Variants in UNC5C observed in about 807,000 individuals in gnomAD.
UNC5C encodes netrin receptor UNC5C.
Under a neutral mutation model 99.8 loss-of-function variants are expected in UNC5C, and 47 were observed. The ratio of observed to expected loss-of-function variants is 0.47; its 90% CI spans 0.37 to 0.60. The LOEUF is 0.60. UNC5C is among the 20% of genes least tolerant of loss of function. The pLI is 0.00. For missense variants in UNC5C, 1,062 were observed against 1,165.9 expected, an observed-to-expected ratio of 0.91 and a Z score of 1.30; for synonymous variants, 487 against 452.2, an observed-to-expected ratio of 1.08 and a Z score of -0.98.
At chr4:95,204,504 T>A (rs151316206) in intron 11 of UNC5C, among the ~76,000 whole-genome samples, 1 of 152,362 alleles carries the variant, frequency 6.6e-6, no homozygotes, top group Non-Finnish European at 1.5e-5. Context: ...TATGCAGGAA[T>A]GCAGGCCAAG....
At chr4:95,367,392 T>C (rs1744607474) in intron 1 of UNC5C, among the ~76,000 whole-genome samples, 1 of 152,008 alleles carries the variant, frequency 6.6e-6, no homozygotes, top group Non-Finnish European at 1.5e-5. Flanking sequence ...TTGCCCAGGC[T>C]GGTTTCAAAC....
intron 7 of UNC5C, among the ~76,000 whole-genome samples, chr4:95,223,836 G>C (rs956172587): frequency 1.8e-4 from 28 of 152,134 alleles, no homozygotes; most frequent in Non-Finnish European, 2.9e-5. Flanking sequence ...ACTGCTAGTA[G>C]AGGAGACCAG....
intron 11 of UNC5C, among the ~76,000 whole-genome samples, chr4:95,203,795 A>T (rs768163463): frequency 2.6e-4 from 39 of 151,320 alleles, no homozygotes; most frequent in Non-Finnish European, 7.4e-5. Context: ...TATATTTAGG[A>T]TTTCATATTG....
At chr4:95,261,588 T>C (rs1579277161) in intron 4 of UNC5C, among the ~76,000 whole-genome samples, 2 of 152,316 alleles carry the variant, frequency 1.3e-5, no homozygotes, top group African/African-American at 4.8e-5. Context: ...TTCAGGGTGC[T>C]AGGATTTCAA....
intron 12 of UNC5C, among the ~76,000 whole-genome samples, chr4:95,193,078 T>C (rs1737222768): frequency 1.3e-5 from 2 of 152,216 alleles, no homozygotes; most frequent in Non-Finnish European, 2.9e-5. Context: ...ATCCAGGATG[T>C]GTTTCACTCT....
At chr4:95,426,573 A>T (rs1267755855) in intron 1 of UNC5C, among the ~76,000 whole-genome samples, 3 of 152,240 alleles carry the variant, frequency 2.0e-5, no homozygotes, top group Non-Finnish European at 4.4e-5. Context: ...TGTGCCAAAC[A>T]GTTAACTGAG....
At chr4:95,373,841 A>G (rs1424901955) in intron 1 of UNC5C, among the ~76,000 whole-genome samples, 1 of 152,180 alleles carries the variant, frequency 6.6e-6, no homozygotes, top group Non-Finnish European at 1.5e-5. Context: ...AAAATAAGAA[A>G]GCAGGAGTAA....
intron 1 of UNC5C, among the ~76,000 whole-genome samples, chr4:95,474,223 T>A (rs145611218): frequency 2.6e-5 from 4 of 152,222 alleles, no homozygotes; most frequent in East Asian, 1.9e-4. Context: ...AAAGTTGAGA[T>A]GGAATCAAAC....
At chr4:95,206,232 C>T (rs1227806930) in intron 11 of UNC5C, among the ~76,000 whole-genome samples, 2 of 151,878 alleles carry the variant, frequency 1.3e-5, no homozygotes, top group Non-Finnish European at 2.9e-5. Context: ...AACTCCTGAC[C>T]TCATGATCCG....
chr4:95,506,547 C>T (rs1400708156), intron 1 of UNC5C, among the ~76,000 whole-genome samples: 1 of 151,814 alleles, frequency 6.6e-6, no homozygotes, highest in Admixed American at 6.6e-5. Flanking sequence ...TAATATATGA[C>T]GTGTTACTTT....
chr4:95,548,336 G>A (rs984304986), intron 1 of UNC5C, among the ~76,000 whole-genome samples: 1 of 151,958 alleles, frequency 6.6e-6, no homozygotes, highest in African/African-American at 2.4e-5. Flanking sequence ...CATGCGCTTC[G>A]GGGTGCATCT....
At chr4:95,251,707 T>C (rs1739741931) in intron 4 of UNC5C, among the ~76,000 whole-genome samples, 1 of 152,180 alleles carries the variant, frequency 6.6e-6, no homozygotes, top group Non-Finnish European at 1.5e-5. Context: ...GGAGTCAATA[T>C]TGTTGCCATT....
chr4:95,521,581 A>T (rs1285566569), intron 1 of UNC5C, among the ~76,000 whole-genome samples: 1 of 152,050 alleles, frequency 6.6e-6, no homozygotes. Flanking sequence ...GACCTCACCT[A>T]GTCCTAATTA....
intron 7 of UNC5C, among the ~76,000 whole-genome samples, chr4:95,232,020 T>G (rs1308178272): frequency 6.6e-6 from 1 of 152,164 alleles, no homozygotes; most frequent in Non-Finnish European, 1.5e-5. Flanking sequence ...TTCCTTACAG[T>G]GACCAGCCAC....
intron 4 of UNC5C, among the ~76,000 whole-genome samples, chr4:95,265,998 C>G (rs1337910450): frequency 1.3e-5 from 2 of 152,184 alleles, no homozygotes; most frequent in Non-Finnish European, 2.9e-5. Flanking sequence ...GCTATACCTA[C>G]CTAAATGTAT....
At position 95,168,320 on chromosome 4, in the gene UNC5C, T is replaced by C. The variant is rs1234537720; in HGVS notation, c.*914A>G. 1.3e-5 allele frequency: 2 copies of C among 152,168 alleles called. No homozygotes were observed. Among genetic ancestry groups the C allele is most frequent in the Non-Finnish European group, 2.9e-5 (2 of 68,034 alleles). The allele number at this position is 152,168 out of a possible 1,614,324, so 9.4% of individuals were successfully genotyped here. ...AAACTGATGACCACACCCACCTTGA[T>C]AGGTGAAAAGGTGGGACAGGTCTAG... On this transcript the variant is annotated 3_prime_UTR_variant, in exon 16 of 16. Coordinates refer to ENST00000453304, the MANE Select transcript of UNC5C (RefSeq NM_003728.4).
At chr4:95,248,749 C>A in intron 5 of UNC5C, 1 of 338,898 alleles carries the variant, frequency 3.0e-6, no homozygotes, top group Non-Finnish European at 5.8e-6. Flanking sequence ...ATGGTCTGTT[C>A]CATAAGGTTA....
rs869293955 is a variant in UNC5C at position 95,267,949 on chromosome 4, A to ATTTT, written c.594+10306_594+10309dup. ...ATGATCCTGTAGGCTGAATTTTGTG[A>ATTTT]TTTTTTTTTTTTTTTTTTGAGACGG... On this transcript the variant is annotated intron_variant, in intron 4 of 15. Coordinates refer to ENST00000453304, the MANE Select transcript of UNC5C (RefSeq NM_003728.4). Among the ~76,000 whole-genome samples the ATTTT allele has an allele frequency of 8.7e-4, 102 of 117,572 alleles. 8 individuals are homozygous for ATTTT. Among genetic ancestry groups the ATTTT allele is most frequent in the African/African-American group, 3.1e-3 (91 of 29,168 alleles). 77.1% of individuals were successfully genotyped at this position (117,572 alleles called of 152,430 possible). A position where few individuals can be genotyped will look rare whatever the true frequency, so the allele number is the denominator to read the frequency against.
At chr4:95,326,564 A>T (rs1034126627) in intron 2 of UNC5C, among the ~76,000 whole-genome samples, 2 of 152,184 alleles carry the variant, frequency 1.3e-5, no homozygotes, top group African/African-American at 4.8e-5. Context: ...CAAATATTGA[A>T]AATTTCTGAA....
Sources: gnomAD v4.1 joint callset for allele counts (sites outside exome capture counted in the v4.1 genomes callset) on GRCh38, gnomAD v4.1.1 for gene constraint, MANE v1.5 for transcripts, NCBI Gene and HGNC (gene_info 2026-07-23, HGNC 2026-07-21) for gene names.